The following ZNF236 variants were observed in gnomAD, a reference collection of about 807,000 sequenced individuals.
ZNF236 encodes the protein regulated by glucose.
ZNF236 carries 50 observed loss-of-function variants against 191.2 expected under a neutral mutation model. The observed-to-expected ratio is 0.26, with a 90% CI of 0.21 to 0.33. The LOEUF is 0.33. Ranked by LOEUF, ZNF236 falls within the 10% of genes least tolerant of loss-of-function variation. ZNF236 has a pLI of 1.00. For synonymous variants in ZNF236, 907 were observed against 928.8 expected (o/e 0.98, Z 0.43); for missense variants, 1,754 against 2,374.5 (o/e 0.74, Z 5.43).
intron 1 of ZNF236, among the ~76,000 whole-genome samples, chr18:76,837,808 A>G (rs1313070024): frequency 6.6e-6 from 1 of 152,182 alleles, no homozygotes; most frequent in African/African-American, 2.4e-5. Flanking sequence ...ATTGAATGGT[A>G]CTGGCATTCT....
chr18:76,958,240 A>G (rs1021630080), intron 28 of ZNF236, among the ~76,000 whole-genome samples: 3 of 152,232 alleles, frequency 2.0e-5, no homozygotes, highest in Non-Finnish European at 4.4e-5. Flanking sequence ...TTCTTTCTTG[A>G]GGAACATTTG....
At chr18:76,894,081 A>ATAG (rs1172808061) in intron 9 of ZNF236, among the ~76,000 whole-genome samples, 5 of 152,248 alleles carry the variant, frequency 3.3e-5, no homozygotes, top group Non-Finnish European at 7.3e-5. Flanking sequence ...AGTTATCTAT[A>ATAG]TAGTCACTGT....
At position 76,829,957 on chromosome 18, in the gene ZNF236, G is replaced by A. The variant is rs924790141; in HGVS notation, c.55+7295G>A. 3.9e-5 allele frequency among the ~76,000 whole-genome samples: 6 copies of A among 152,154 alleles called. No individual in the cohort carries two copies. In the East Asian group the frequency reaches 5.8e-4, roughly 15 times the overall value. On this transcript the variant is annotated intron_variant, in intron 1 of 30. Transcript: ENST00000320610. ...GCGATCTCCACTCACTGCAACCTCCGTCTCCCGGGTTCAAGTGATTATCCT... is the reference window on the plus strand; with the variant it reads ...GCGATCTCCACTCACTGCAACCTCCATCTCCCGGGTTCAAGTGATTATCCT...
intron 2 of ZNF236, among the ~76,000 whole-genome samples, chr18:76,850,904 T>G (rs1378198552): frequency 6.6e-6 from 1 of 151,436 alleles, no homozygotes; most frequent in African/African-American, 2.4e-5. Flanking sequence ...ACCCCCGGCC[T>G]GCTTGAAGTG....
chr18:76,915,057 G>C (rs1470912308), intron 18 of ZNF236, among the ~76,000 whole-genome samples: 1 of 152,190 alleles, frequency 6.6e-6, no homozygotes, highest in Non-Finnish European at 1.5e-5. Flanking sequence ...CGGAGGCAGA[G>C]AGCAGCAATA....
chr18:76,889,152 A>T (rs944178777), intron 9 of ZNF236, among the ~76,000 whole-genome samples: 1 of 152,128 alleles, frequency 6.6e-6, no homozygotes, highest in African/African-American at 2.4e-5. Flanking sequence ...TGCTGCTTTT[A>T]TCTGATAAAT....
At chr18:76,909,318 CAAAAAA>C (rs34878586) in intron 14 of ZNF236, among the ~76,000 whole-genome samples, 1 of 119,442 alleles carries the variant, frequency 8.4e-6, no homozygotes, top group South Asian at 2.9e-4. Flanking sequence ...GACTCTGTCT[CAAAAAA>C]AAAAAAAAAA....
intron 18 of ZNF236, among the ~76,000 whole-genome samples, chr18:76,915,372 G>C (rs984893481): frequency 2.6e-5 from 4 of 152,182 alleles, no homozygotes; most frequent in Non-Finnish European, 4.4e-5. Flanking sequence ...TGACTTCACA[G>C]AGCCTGCTGA....
Position 76,927,032 on chromosome 18 carries a change from G to C in ZNF236, c.4028-5G>C. On this transcript the variant is annotated splice_region_variant and splice_polypyrimidine_tract_variant and intron_variant, in intron 22 of 30. Transcript: ENST00000320610. This position sits in a 1 kb window ranked among gnomAD's most constrained non-coding sequence, Gnocchi z 5.4. ...TGATCATTCTCTTTCTCTTTCTCTG[G>C]CCAGCTGGGGGTGACCTGACCGTGT... The C allele has an allele frequency of 2.5e-6, 4 of 1,598,398 alleles. No homozygotes were observed. The highest frequency in any genetic ancestry group is 3.4e-6 in the Non-Finnish European group (4 of 1,169,350).
At chr18:76,902,892 G>T (rs1204970336) in intron 11 of ZNF236, among the ~76,000 whole-genome samples, 1 of 152,052 alleles carries the variant, frequency 6.6e-6, no homozygotes, top group African/African-American at 2.4e-5. Context: ...TGCCCAGCCT[G>T]CATTTTTCTC....
intron 25 of ZNF236, among the ~76,000 whole-genome samples, chr18:76,933,670 T>TA (rs761113095): frequency 7.9e-5 from 12 of 152,350 alleles, no homozygotes; most frequent in Middle Eastern, 3.4e-3. Context: ...TATTCTTAAA[T>TA]ACAGGCTTAG....
chr18:76,860,569 C>G (rs573336587), intron 3 of ZNF236, among the ~76,000 whole-genome samples: 19 of 152,202 alleles, frequency 1.2e-4, no homozygotes, highest in Non-Finnish European at 2.6e-4. Flanking sequence ...CTGTTTGCTT[C>G]AGTCCCTGCC....
At chr18:76,912,673 CT>C (rs764963405) in intron 17 of ZNF236, among the ~76,000 whole-genome samples, 8 of 152,120 alleles carry the variant, frequency 5.3e-5, no homozygotes, top group Non-Finnish European at 1.2e-4. Context: ...TATATTATGC[CT>C]TTTAGTTCAA....
At chr18:76,824,172 C>T (rs1465480206) in intron 1 of ZNF236, 2 of 624,568 alleles carry the variant, frequency 3.2e-6, no homozygotes, top group Non-Finnish European at 5.8e-6. Flanking sequence ...CTGGAAACTA[C>T]AAAGGATTGT....
At chr18:76,911,893 G>T (rs1290715571) in intron 16 of ZNF236, among the ~76,000 whole-genome samples, 1 of 152,180 alleles carries the variant, frequency 6.6e-6, no homozygotes, top group Non-Finnish European at 1.5e-5. Context: ...GACAAGAGGA[G>T]ACATAATATT....
intron 20 of ZNF236, among the ~76,000 whole-genome samples, 173 bp downstream of exon 20, chr18:76,920,231 G>A (rs957468020): frequency 2.0e-5 from 3 of 152,134 alleles, no homozygotes; most frequent in Admixed American, 6.5e-5. Flanking sequence ...TTAGTTCTCT[G>A]TAGTAAACTC....
intron 1 of ZNF236, among the ~76,000 whole-genome samples, chr18:76,829,951 A>G (rs1302848001): frequency 6.6e-6 from 1 of 151,896 alleles, no homozygotes. Context: ...ACTCACTGCA[A>G]CCTCCGTCTC....
chr18:76,933,012 C>T (rs1012401172), intron 25 of ZNF236, among the ~76,000 whole-genome samples: 1 of 152,212 alleles, frequency 6.6e-6, no homozygotes, highest in Non-Finnish European at 1.5e-5. Flanking sequence ...ACACCAGCAT[C>T]TCACACTCAG....
rs1193601498 is a variant in ZNF236, at chr18:76,923,199, T to C, written c.3661+25T>C. The C allele has an allele frequency of 8.2e-6, 12 of 1,457,970 alleles. No homozygotes were observed. In the South Asian group the frequency reaches 1.0e-4, roughly 12 times the overall value. 90.3% of individuals were successfully genotyped at this position (1,457,970 alleles called of 1,614,324 possible). On this transcript the variant is annotated intron_variant, in intron 21 of 30. Coordinates refer to ENST00000320610, the MANE Select transcript of ZNF236 (RefSeq NM_001306089.2). ...GGTAAGGAAAACATGCCTGCGTCAT[T>C]GGTAGAGGTCTTAGGATAGCATTTC...
Sources: gnomAD v4.1 joint callset for allele counts (sites outside exome capture counted in the v4.1 genomes callset) on GRCh38, gnomAD v4.1.1 for gene constraint, Gnocchi (gnomAD v3.1) non-coding constraint, MANE v1.5 for transcripts, NCBI Gene and HGNC (gene_info 2026-07-23, HGNC 2026-07-21) for gene names.